The following ZNF385D variants were observed in gnomAD, a reference collection of about 807,000 sequenced individuals.
ZNF385D encodes the protein zinc finger protein 659.
Under a neutral mutation model 35.8 loss-of-function variants are expected in ZNF385D, and 15 were observed. The observed-to-expected ratio is 0.42, with a 90% confidence interval of 0.28 to 0.64. ZNF385D has a LOEUF of 0.64. Among genes scored for constraint, ZNF385D ranks in the 30% least tolerant of loss-of-function variants. ZNF385D has a pLI of 0.23. For missense variants in ZNF385D, 474 were observed against 494.6 expected (o/e 0.96, Z 0.39); for synonymous variants, 212 against 186.8 (o/e 1.13, Z -1.10).
intron 4 of ZNF385D, among the ~76,000 whole-genome samples, chr3:21,469,904 A>G (rs1703773612): frequency 6.6e-6 from 1 of 151,330 alleles, no homozygotes; most frequent in Admixed American, 6.6e-5. Flanking sequence ...CATTTCTTGC[A>G]AAGTATTCCA....
intron 4 of ZNF385D, among the ~76,000 whole-genome samples, chr3:21,488,113 AT>A (rs1030830545): frequency 5.0e-4 from 76 of 151,176 alleles, no homozygotes; most frequent in African/African-American, 1.1e-3. Context: ...TTTTGGATAT[AT>A]TTTTTTTTAA....
In ZNF385D at chr3:21,622,004, G is replaced by A. The variant is rs1413279469; in HGVS notation, c.165+42882C>T. Reference sequence around the variant, plus strand: ...TTTGTTTTGCTTTTATTTCCTTAGCGAGGAACATGTGCTTTGTCATTTTAC... The same window carrying A: ...TTTGTTTTGCTTTTATTTCCTTAGCAAGGAACATGTGCTTTGTCATTTTAC... On this transcript the variant is annotated intron_variant, in intron 2 of 7. Coordinates refer to ENST00000281523, the MANE Select transcript of ZNF385D (RefSeq NM_024697.3). 9.9e-5 allele frequency among the ~76,000 whole-genome samples: 15 copies of A among 151,912 alleles called. No individual in the cohort carries two copies. In the South Asian group the frequency reaches 2.5e-3, roughly 25 times the overall value.
At chr3:22,188,967 A>T (rs1695833634) in intron 2 of ZNF385D, among the ~76,000 whole-genome samples, 1 of 152,164 alleles carries the variant, frequency 6.6e-6, no homozygotes, top group African/African-American at 2.4e-5. Flanking sequence ...CTGAGCAGAG[A>T]ATATACGCTG....
intron 2 of ZNF385D, among the ~76,000 whole-genome samples, chr3:22,349,322 C>T (rs915532805): frequency 5.9e-5 from 9 of 152,176 alleles, no homozygotes; most frequent in African/African-American, 2.2e-4. Context: ...TCACCATATT[C>T]ACTGTCACAA....
chr3:22,067,093 T>C (rs1401222888), intron 3 of ZNF385D, among the ~76,000 whole-genome samples: 1 of 152,200 alleles, frequency 6.6e-6, no homozygotes, highest in African/African-American at 2.4e-5. Context: ...TTTACATTAG[T>C]TAGAAGCTGT....
intron 3 of ZNF385D, among the ~76,000 whole-genome samples, chr3:22,064,220 C>T (rs1221555099): frequency 1.3e-5 from 2 of 152,162 alleles, no homozygotes; most frequent in Non-Finnish European, 2.9e-5. Context: ...TTTGCTCAGG[C>T]AATACAGGGG....
intron 5 of ZNF385D, among the ~76,000 whole-genome samples, chr3:21,429,924 GT>G (rs898300926): frequency 4.0e-5 from 6 of 150,048 alleles, no homozygotes; most frequent in South Asian, 2.1e-4. Flanking sequence ...ATGCAAAGCT[GT>G]TTTTTTTTGC....
chr3:21,666,257 TGGAGCCACGGA>T (rs2066403716), intron 1 of ZNF385D, among the ~76,000 whole-genome samples: 1 of 152,162 alleles, frequency 6.6e-6, no homozygotes, highest in Non-Finnish European at 1.5e-5. Context: ...TCCAACCCTA[TGGAGCCACGGA>T]GGATCTGCTA....
intron 3 of ZNF385D, among the ~76,000 whole-genome samples, chr3:21,763,164 C>T (rs2070692533): frequency 6.6e-6 from 1 of 152,094 alleles, no homozygotes; most frequent in Admixed American, 6.5e-5. Context: ...ACCTTCTCTC[C>T]AGAGACCTGT....
chr3:21,921,663 G>A (rs779197614), intron 3 of ZNF385D, among the ~76,000 whole-genome samples: 14 of 136,224 alleles, frequency 1.0e-4, no homozygotes, highest in African/African-American at 3.5e-4. Context: ...AAAATAAGAA[G>A]CCAAGAATAT....
At chr3:21,661,775 A>C (rs968618359) in intron 2 of ZNF385D, among the ~76,000 whole-genome samples, 3 of 152,082 alleles carry the variant, frequency 2.0e-5, no homozygotes, top group African/African-American at 7.2e-5. Flanking sequence ...GTCTCATTGA[A>C]TGTCTTATTT....
At chr3:22,103,500 C>T (rs527784051) in intron 3 of ZNF385D, among the ~76,000 whole-genome samples, 1 of 152,232 alleles carries the variant, frequency 6.6e-6, no homozygotes, top group East Asian at 1.9e-4. Flanking sequence ...CAAGCTACCT[C>T]TGTTTTTCTC....
chr3:22,280,850 T>C (rs1701702943), intron 2 of ZNF385D, among the ~76,000 whole-genome samples: 1 of 152,164 alleles, frequency 6.6e-6, no homozygotes, highest in Non-Finnish European at 1.5e-5. Context: ...TAGATTGCTT[T>C]TGGCATTATG....
At chr3:22,275,501 GAAGTT>G (rs1330569078) in intron 2 of ZNF385D, among the ~76,000 whole-genome samples, 4 of 151,992 alleles carry the variant, frequency 2.6e-5, no homozygotes, top group Non-Finnish European at 5.9e-5. Context: ...TACTTGTGCT[GAAGTT>G]AAGAAATAAA....
At chr3:22,159,633 T>C (rs1388552) in intron 3 of ZNF385D, among the ~76,000 whole-genome samples, 1,804 of 152,182 alleles carry the variant, frequency 0.012, 17 homozygotes, top group South Asian at 0.024. Context: ...ACATGTTTTC[T>C]TTTTAGGGTG....
chr3:21,977,755 G>C (rs547255565), intron 3 of ZNF385D, among the ~76,000 whole-genome samples: 15 of 152,186 alleles, frequency 9.9e-5, no homozygotes, highest in Non-Finnish European at 1.8e-4. Context: ...AGGATCGCTT[G>C]AGCCCAGCAA....
intron 1 of ZNF385D, among the ~76,000 whole-genome samples, chr3:21,737,905 C>T (rs2069323550): frequency 6.6e-6 from 1 of 152,204 alleles, no homozygotes; most frequent in Non-Finnish European, 1.5e-5. Context: ...AAGGCCATAG[C>T]ACATCTCCTA....
chr3:22,211,667 A>G (rs891593885), intron 2 of ZNF385D, among the ~76,000 whole-genome samples: 3 of 151,970 alleles, frequency 2.0e-5, no homozygotes, highest in African/African-American at 7.2e-5. Context: ...AACAGAGAGA[A>G]AGACCAAGGG....
intron 3 of ZNF385D, among the ~76,000 whole-genome samples, chr3:21,878,317 T>C (rs577901078): frequency 2.0e-5 from 3 of 152,112 alleles, no homozygotes; most frequent in African/African-American, 7.2e-5. Flanking sequence ...CTATGAGATA[T>C]TGTCTCATGA....
Sources: gnomAD v4.1 joint callset for allele counts (sites outside exome capture counted in the v4.1 genomes callset) on GRCh38, gnomAD v4.1.1 for gene constraint, MANE v1.5 for transcripts, NCBI Gene and HGNC (gene_info 2026-07-23, HGNC 2026-07-21) for gene names.